Variants in NSUN6 observed in about 807,000 individuals in gnomAD.
NSUN6 encodes the protein tRNA (cytosine(72)-C(5))-methyltransferase NSUN6.
Under a neutral mutation model 58.0 loss-of-function variants are expected in NSUN6, and 64 were observed. The observed-to-expected ratio is 1.10, with a 90% CI of 0.90 to 1.36. The LOEUF (loss-of-function observed/expected upper bound fraction) is 1.36. NSUN6 is among the 40% of genes most tolerant of loss of function. The pLI is 0.00. For synonymous variants in NSUN6, 231 were observed against 193.9 expected (o/e 1.19, Z -1.59); for missense variants, 701 against 550.1 (o/e 1.27, Z -2.74).
intron 8 of NSUN6, among the ~76,000 whole-genome samples, chr10:18,556,954 G>C (rs924311633): frequency 6.6e-6 from 1 of 151,304 alleles, no homozygotes; most frequent in Admixed American, 6.6e-5. Context: ...GAAGGGAATG[G>C]AATGGAGAAT....
chr10:18,548,189 T>G lies in NSUN6; in HGVS notation c.1120A>C (p.Thr374Pro). Residue 374 changes from threonine to proline, a missense_variant, in exon 10 of 11, where the codon ACT (threonine) becomes CCT (proline). Thr to Pro is a conservative substitution (Grantham distance 38, BLOSUM62 -1). Transcript: ENST00000377304. ...PEGVLVYSTC[T>P]ITLAENEEQV... ...TCTTCATTTTCGGCCAGTGTTATAG[T>G]GCACGTGCTATAAACCAGCACACCC... The G allele has an allele frequency of 6.2e-7, 1 of 1,613,310 alleles. No individual in the cohort carries two copies. Among genetic ancestry groups the G allele is most frequent in the Non-Finnish European group, 8.5e-7 (1 of 1,179,398 alleles).
chr10:18,636,206 T>G (rs1356884227), intron 3 of NSUN6, among the ~76,000 whole-genome samples: 1 of 151,148 alleles, frequency 6.6e-6, no homozygotes, highest in Non-Finnish European at 1.5e-5. Flanking sequence ...GGGCAGGGGG[T>G]GCGGGAGATC....
At chr10:18,652,969 A>C (rs191577264), upstream of NSUN6, 184 of 984,856 alleles carry the variant, frequency 1.9e-4, no homozygotes, top group African/African-American at 2.8e-3. Flanking sequence ...TTCTAGAGCC[A>C]ATACCTTGTC....
intron 8 of NSUN6, among the ~76,000 whole-genome samples, chr10:18,568,994 C>T (rs949554208): frequency 6.6e-6 from 1 of 151,052 alleles, no homozygotes; most frequent in East Asian, 1.9e-4. Context: ...ATTCCCTTCC[C>T]CATTCCTTTC....
chr10:18,551,244 T>TTGTGTATGTG (rs1554847993), intron 9 of NSUN6, among the ~76,000 whole-genome samples: 2 of 127,080 alleles, frequency 1.6e-5, no homozygotes, highest in African/African-American at 6.0e-5. Context: ...GTCCTCTCAG[T>TTGTGTATGTG]TGTGTGTGTG....
intron 2 of NSUN6, among the ~76,000 whole-genome samples, chr10:18,643,182 C>G (rs1310890047): frequency 6.6e-6 from 1 of 151,530 alleles, no homozygotes; most frequent in Non-Finnish European, 1.5e-5. Context: ...CCACAGAAAT[C>G]AACAAACACC....
intron 3 of NSUN6, among the ~76,000 whole-genome samples, chr10:18,625,722 A>T (rs59723385): frequency 0.19 from 12,045 of 64,490 alleles, 359 homozygotes; most frequent in East Asian, 0.24. Context: ...TTTTTTTTTA[A>T]AAAAAAAAAA....
chr10:18,647,139 T>C (rs2059568794), intron 2 of NSUN6, among the ~76,000 whole-genome samples: 3 of 152,196 alleles, frequency 2.0e-5, no homozygotes, highest in South Asian at 2.1e-4. Context: ...GTACTTATAG[T>C]TGTTCTTAAA....
chr10:18,563,447 G>A (rs1319634939), intron 8 of NSUN6, among the ~76,000 whole-genome samples: 1 of 150,858 alleles, frequency 6.6e-6, no homozygotes, highest in African/African-American at 2.4e-5. Flanking sequence ...AATGGAGAAT[G>A]AAAGGGAATG....
In NSUN6 at chr10:18,545,589, T is replaced by G. The variant is rs934478628; in HGVS notation, c.*344A>C. 1.7e-5 allele frequency: 3 copies of G among 174,580 alleles called. No individual in the cohort carries two copies. Among genetic ancestry groups the G allele is most frequent in the Admixed American group, 1.2e-4 (2 of 17,254 alleles). The allele number at this position is 174,580 out of a possible 1,614,324, so 10.8% of individuals were successfully genotyped here. On this transcript the variant is annotated 3_prime_UTR_variant, in exon 11 of 11. Transcript: ENST00000377304. The stretch of plus-strand genomic sequence containing the variant: ...AATATTGCTAATTTATTCCTTTTGT[T>G]AGATTCACTAATTTTTAACATTAAA...
chr10:18,619,134 A>C (rs2058513468), intron 3 of NSUN6, among the ~76,000 whole-genome samples: 1 of 152,212 alleles, frequency 6.6e-6, no homozygotes, highest in South Asian at 2.1e-4. Context: ...TTTGATTCCC[A>C]GTGTAGCTTT....
chr10:18,560,512 GGAATGGAATGGA>G (rs1047052734), intron 8 of NSUN6, among the ~76,000 whole-genome samples: 4 of 151,260 alleles, frequency 2.6e-5, no homozygotes, highest in Non-Finnish European at 5.9e-5. Context: ...AATAGAAAAT[GGAATGGAATGGA>G]GAATGGAATG....
At chr10:18,594,125 G>A (rs1474245316) in intron 7 of NSUN6, among the ~76,000 whole-genome samples, 3 of 151,426 alleles carry the variant, frequency 2.0e-5, no homozygotes, top group Non-Finnish European at 4.4e-5. Context: ...GCTCAAACCC[G>A]GGAGGCGGAG....
intron 8 of NSUN6, among the ~76,000 whole-genome samples, chr10:18,584,407 T>C (rs1479254446): frequency 6.6e-6 from 1 of 152,204 alleles, no homozygotes; most frequent in Non-Finnish European, 1.5e-5. Context: ...ACCATTTTCC[T>C]TGTACCAGAC....
chr10:18,561,898 GGA>G (rs2055540932), intron 8 of NSUN6, among the ~76,000 whole-genome samples: 1 of 150,326 alleles, frequency 6.7e-6, no homozygotes, highest in African/African-American at 2.5e-5. Context: ...AGAATAGAAT[GGA>G]CAATGGAAAG....
chr10:18,596,171 T>G (rs1279361953), intron 7 of NSUN6, 37 bp downstream of exon 7: 18 of 1,561,884 alleles, frequency 1.2e-5, no homozygotes, highest in Non-Finnish European at 1.6e-5. Flanking sequence ...AAATATACAC[T>G]ACTTTGAGAG....
intron 8 of NSUN6, among the ~76,000 whole-genome samples, chr10:18,566,776 C>T (rs1255825242): frequency 2.0e-5 from 3 of 151,014 alleles, no homozygotes; most frequent in Non-Finnish European, 4.4e-5. Context: ...TTCTGCATTC[C>T]ATTCCATTAC....
chr10:18,551,930 G>A lies in NSUN6; in HGVS notation c.964C>T (p.Leu322=). 6.2e-7 allele frequency: 1 copy of A among 1,609,222 alleles called. No homozygotes were observed. Among genetic ancestry groups the A allele is most frequent in the Non-Finnish European group, 8.5e-7 (1 of 1,176,026 alleles). ...FLPESFDRIL[L]DAPCSGMGQR... is the part of the protein sequence containing the mutation. Reference sequence around the variant, plus strand: ...CCCATTCCACTACAGGGTGCATCCAGAAGAATTCGGTCAAAGGATTCTGGT... The same window carrying A: ...CCCATTCCACTACAGGGTGCATCCAAAAGAATTCGGTCAAAGGATTCTGGT... The change falls in exon 9 of 11, where the codon CTG becomes TTG. Residue 322 remains leucine (L), a synonymous_variant. Transcript: ENST00000377304.
At chr10:18,628,281 T>C (rs898508983) in intron 3 of NSUN6, among the ~76,000 whole-genome samples, 1 of 151,786 alleles carries the variant, frequency 6.6e-6, no homozygotes, top group Non-Finnish European at 1.5e-5. Flanking sequence ...AGACCAAAAG[T>C]AGATAAAACC....
Sources: allele counts gnomAD v4.1 joint callset (sites outside exome capture counted in the v4.1 genomes callset), GRCh38; gene constraint gnomAD v4.1.1; transcripts MANE v1.5; gene names NCBI Gene and HGNC (gene_info 2026-07-23, HGNC 2026-07-21).